PRP4K: variants seen among roughly 807,000 people sequenced by gnomAD.
PRP4K encodes pre-mRNA processing factor kinase PRP4K, also known as serine/threonine-protein kinase PRP4 homolog.
At chr6:4,041,780 A>G in the PRP4K span, among the ~76,000 whole-genome samples, 1 of 152,220 alleles carries the variant, frequency 6.6e-6, no homozygotes, top group African/African-American at 2.4e-5. Flanking sequence ...ATATCAAAAA[A>G]CAAATCATGC....
chr6:4,027,613 T>TGGGGGGGG, the PRP4K span, among the ~76,000 whole-genome samples: 1 of 38,552 alleles, frequency 2.6e-5, no homozygotes, highest in Non-Finnish European at 4.9e-5. Context: ...GGGGGTGGGG[T>TGGGGGGGG]GGGGGTTGGT....
the PRP4K span, chr6:4,048,943 T>C: frequency 1.0e-6 from 1 of 1,002,668 alleles, no homozygotes; most frequent in Non-Finnish European, 1.5e-6. Flanking sequence ...GTGTTACCCT[T>C]TTGTGTTTTA....
the PRP4K span, among the ~76,000 whole-genome samples, chr6:4,057,819 A>G: frequency 7.5e-6 from 1 of 133,438 alleles, no homozygotes; most frequent in Admixed American, 9.1e-5. Context: ...CAGTGGCGCG[A>G]TCTCAGCTTA....
At chr6:4,048,921 A>C in the PRP4K span, 1 of 718,722 alleles carries the variant, frequency 1.4e-6, no homozygotes, top group South Asian at 2.4e-5. Flanking sequence ...TGCTTTTATT[A>C]AATTATATCT....
chr6:4,052,834 C>T, the PRP4K span: 1 of 1,612,860 alleles, frequency 6.2e-7, no homozygotes, highest in Non-Finnish European at 8.5e-7. Context: ...TTAAAAGATG[C>T]AATATCCTAC....
At chr6:4,031,097 G>A in the PRP4K span, among the ~76,000 whole-genome samples, 3 of 152,204 alleles carry the variant, frequency 2.0e-5, no homozygotes, top group African/African-American at 7.2e-5. Context: ...ATTTCAAGTG[G>A]AGAAGGAGAT....
At chr6:4,035,532 A>G in the PRP4K span, among the ~76,000 whole-genome samples, 1 of 152,092 alleles carries the variant, frequency 6.6e-6, no homozygotes, top group Non-Finnish European at 1.5e-5. Flanking sequence ...GGCCCTATCA[A>G]GAAGTAAGCA....
the PRP4K span, chr6:4,047,134 ATCTCT>A: frequency 6.6e-7 from 1 of 1,525,928 alleles, no homozygotes; most frequent in South Asian, 1.1e-5. Context: ...GTTTTAAATC[ATCTCT>A]TCACTTTTCA....
chr6:4,038,232 A>G, the PRP4K span, among the ~76,000 whole-genome samples: 1 of 152,178 alleles, frequency 6.6e-6, no homozygotes, highest in Non-Finnish European at 1.5e-5. Flanking sequence ...TGTATGCTGT[A>G]TTCCTAGAAA....
At chr6:4,036,103 T>A in the PRP4K span, among the ~76,000 whole-genome samples, 2 of 152,234 alleles carry the variant, frequency 1.3e-5, no homozygotes, top group African/African-American at 4.8e-5. Context: ...GTTCAAAACC[T>A]GTTTTAAAAA....
the PRP4K span, chr6:4,031,974 A>G: frequency 6.2e-7 from 1 of 1,614,128 alleles, no homozygotes; most frequent in South Asian, 1.1e-5. Flanking sequence ...AATTCATGAA[A>G]AGGCAAGAAA....
the PRP4K span, among the ~76,000 whole-genome samples, chr6:4,031,112 C>T: frequency 1.3e-5 from 2 of 152,122 alleles, no homozygotes; most frequent in African/African-American, 4.8e-5. Context: ...GGAGATTAGT[C>T]TTCCAGTGTA....
chr6:4,030,053 C>G, the PRP4K span, among the ~76,000 whole-genome samples: 1 of 152,056 alleles, frequency 6.6e-6, no homozygotes, highest in Non-Finnish European at 1.5e-5. Context: ...AGAGATTCTC[C>G]TGCCTCAGCC....
chr6:4,038,905 G>T, the PRP4K span, among the ~76,000 whole-genome samples: 1 of 136,148 alleles, frequency 7.3e-6, no homozygotes, highest in Admixed American at 8.0e-5. Flanking sequence ...ATGGCCTTCT[G>T]GGAAATTTTT....
chr6:4,049,953 T>C, the PRP4K span: 1 of 1,475,166 alleles, frequency 6.8e-7, no homozygotes, highest in Non-Finnish European at 9.2e-7. Context: ...AAACTATTTT[T>C]TTAAAGTGAT....
chr6:4,049,407 A>G, the PRP4K span: 2 of 455,986 alleles, frequency 4.4e-6, no homozygotes, highest in Non-Finnish European at 7.7e-6. Flanking sequence ...CTTGATCTGA[A>G]ACCAAGAAAA....
At chr6:4,033,639 C>T in the PRP4K span, among the ~76,000 whole-genome samples, 3 of 152,152 alleles carry the variant, frequency 2.0e-5, no homozygotes, top group East Asian at 1.9e-4. Flanking sequence ...TTGGCTTATA[C>T]TATATAAGGA....
the PRP4K span, among the ~76,000 whole-genome samples, chr6:4,039,966 C>T: frequency 2.6e-5 from 4 of 151,520 alleles, no homozygotes; most frequent in Admixed American, 6.6e-5. Flanking sequence ...AGTGTGATCA[C>T]GACTCACTGC....
chr6:4,035,223 TCTC>T, the PRP4K span, among the ~76,000 whole-genome samples: 11 of 149,574 alleles, frequency 7.4e-5, no homozygotes, highest in Non-Finnish European at 1.5e-4. Flanking sequence ...TTCAAGCAAT[TCTC>T]CTGCCTCAGC....
Sources: allele counts gnomAD v4.1 joint callset (sites outside exome capture counted in the v4.1 genomes callset), GRCh38; gene constraint gnomAD v4.1.1; transcripts MANE v1.5; gene names NCBI Gene and HGNC (gene_info 2026-07-23, HGNC 2026-07-21).